Variants in COL4A6 observed in about 807,000 individuals in gnomAD.
The protein encoded by COL4A6 is collagen alpha-6(IV) chain.
Under a neutral mutation model 126.7 loss-of-function variants are expected in COL4A6, and 59 were observed. That is an observed-to-expected ratio of 0.47 (90% CI 0.38 to 0.58). The LOEUF (loss-of-function observed/expected upper bound fraction) is 0.58. Among genes scored for constraint, COL4A6 ranks in the 20% least tolerant of loss-of-function variants. The pLI is 0.00. For synonymous variants in COL4A6, 547 were observed against 496.6 expected, an observed-to-expected ratio of 1.10 and a Z score of -1.35; for missense variants, 1,285 against 1,337.3, an observed-to-expected ratio of 0.96 and a Z score of 0.61.
chrX:108,384,691 G>A (rs917060960), intron 2 of COL4A6, among the ~76,000 whole-genome samples: 2 of 111,508 alleles, frequency 1.8e-5, no homozygotes, highest in African/African-American at 6.5e-5. Flanking sequence ...CTCAAAAGAG[G>A]ATAATTCAAA....
chrX:108,244,093 C>T (rs1368410083), intron 3 of COL4A6, among the ~76,000 whole-genome samples: 2 of 102,502 alleles, frequency 2.0e-5, no homozygotes, highest in Non-Finnish European at 4.0e-5. Flanking sequence ...AAGAATAACC[C>T]TTCAGGTATG....
intron 2 of COL4A6, among the ~76,000 whole-genome samples, chrX:108,351,584 G>A (rs1405981638): frequency 9.2e-6 from 1 of 109,036 alleles, no homozygotes. Context: ...AATCTACTAA[G>A]GCACTTGGCT....
intron 19 of COL4A6, among the ~76,000 whole-genome samples, chrX:108,191,022 C>T (rs2035024074): frequency 9.0e-6 from 1 of 111,621 alleles, no homozygotes; most frequent in African/African-American, 3.3e-5. Context: ...AGTCTCTCAG[C>T]CCACCCCATT....
At chrX:108,347,586 T>C (rs1034978741) in intron 2 of COL4A6, among the ~76,000 whole-genome samples, 2 of 111,457 alleles carry the variant, frequency 1.8e-5, no homozygotes, top group Non-Finnish European at 3.8e-5. Context: ...TCAGTTACTT[T>C]ACCTTACCTT....
At position 108,174,566 on chromosome X, in the gene COL4A6, G is replaced by A; in HGVS notation, c.3012C>T (p.Gly1004=). 1 of 1,204,934 alleles carries A rather than the reference G, an allele frequency of 8.3e-7. No individual in the cohort carries two copies. Among genetic ancestry groups the A allele is most frequent in the Non-Finnish European group, 1.1e-6 (1 of 892,805 alleles). ...TAACTCCTTTGATAATGCCTGGGAG[G>A]CCAGGAGCTCCAGGTAGGCCTGGTG... ...PGPPGLPGAP[G]LPGIIKGVSG... The change falls in exon 31 of 45, where the codon GGC becomes GGT. Residue 1004 remains glycine (G), a synonymous_variant. Coordinates refer to ENST00000334504, the MANE Select transcript of COL4A6 (RefSeq NM_033641.4).
Position 108,180,533 on chromosome X carries a change from G to A in COL4A6, c.2113C>T (p.His705Tyr). The change falls in exon 25 of 45, where the codon CAT becomes TAT. Residue 705 changes from histidine to tyrosine, a missense_variant. Transcript: ENST00000334504. Reference sequence around the variant, plus strand: ...TTCTTACCTGGTAATTCAGGAAGATGAACCAATCCTGGACTCCCTGGCTCT... The same window carrying A: ...TTCTTACCTGGTAATTCAGGAAGATAAACCAATCCTGGACTCCCTGGCTCT... Reference protein sequence around the residue: ...KGEPGSPGLVHLPELPGFPGP... With the variant: ...KGEPGSPGLVYLPELPGFPGP... The A allele has an allele frequency of 8.3e-7, 1 of 1,206,435 alleles. No homozygotes were observed. Among genetic ancestry groups the A allele is most frequent in the Non-Finnish European group, 1.1e-6 (1 of 893,049 alleles).
At chrX:108,291,409 G>A (rs1185279705) in intron 3 of COL4A6, among the ~76,000 whole-genome samples, 2 of 112,004 alleles carry the variant, frequency 1.8e-5, no homozygotes, top group Non-Finnish European at 3.8e-5. Flanking sequence ...TTAACATTAT[G>A]CCATAAGCAT....
At chrX:108,244,705 G>A (rs1382379937) in intron 3 of COL4A6, among the ~76,000 whole-genome samples, 3 of 111,660 alleles carry the variant, frequency 2.7e-5, no homozygotes. Context: ...GTAAGCTTTA[G>A]GTTGGTTCAA....
intron 2 of COL4A6, among the ~76,000 whole-genome samples, chrX:108,395,441 A>C (rs1417240870): frequency 2.7e-5 from 3 of 112,268 alleles, no homozygotes; most frequent in Non-Finnish European, 3.8e-5. Flanking sequence ...GATAATATTT[A>C]TCAATCTCAA....
At chrX:108,200,560 A>G (rs2035360374) in intron 13 of COL4A6, among the ~76,000 whole-genome samples, 1 of 112,146 alleles carries the variant, frequency 8.9e-6, no homozygotes, top group African/African-American at 3.2e-5. Flanking sequence ...TCATGGAGGT[A>G]GAAATTAAAA....
intron 2 of COL4A6, among the ~76,000 whole-genome samples, chrX:108,334,723 C>T (rs1403007615): frequency 1.8e-5 from 2 of 111,250 alleles, no homozygotes; most frequent in Non-Finnish European, 3.8e-5. Flanking sequence ...ATAGTAAATT[C>T]GAGTCTTCAG....
At chrX:108,401,709 T>G (rs1287790975) in intron 2 of COL4A6, among the ~76,000 whole-genome samples, 3 of 111,210 alleles carry the variant, frequency 2.7e-5, no homozygotes, top group Non-Finnish European at 3.8e-5. Context: ...AAATAAAAAT[T>G]TGCAGCATTT....
At chrX:108,189,821 T>C (rs185113445) in intron 20 of COL4A6, among the ~76,000 whole-genome samples, 2 of 112,353 alleles carry the variant, frequency 1.8e-5, no homozygotes, top group African/African-American at 6.5e-5. Flanking sequence ...AACTGAACCC[T>C]AGGCCATCCC....
At chrX:108,422,834 G>A (rs916005304) in intron 2 of COL4A6, among the ~76,000 whole-genome samples, 6 of 111,543 alleles carry the variant, frequency 5.4e-5, no homozygotes, top group Non-Finnish European at 9.4e-5. Flanking sequence ...AACAGGGAAA[G>A]CTACAGGTCT....
intron 3 of COL4A6, among the ~76,000 whole-genome samples, chrX:108,298,763 C>G (rs756426318): frequency 4.6e-5 from 5 of 109,473 alleles, no homozygotes; most frequent in African/African-American, 1.3e-4. Flanking sequence ...TGCCACATTG[C>G]AGGCTCTGGT....
intron 2 of COL4A6, among the ~76,000 whole-genome samples, chrX:108,393,315 G>T (rs2040879597): frequency 8.9e-6 from 1 of 112,496 alleles, no homozygotes; most frequent in Non-Finnish European, 1.9e-5. Flanking sequence ...AAGGAATAAA[G>T]TACTGATGCA....
chrX:108,436,690 G>A (rs752231898), intron 2 of COL4A6, among the ~76,000 whole-genome samples: 25 of 111,946 alleles, frequency 2.2e-4, no homozygotes, highest in Non-Finnish European at 3.4e-4. Context: ...CTTTGCTTAC[G>A]AAGTCCAGAA....
intron 3 of COL4A6, among the ~76,000 whole-genome samples, chrX:108,261,312 TC>T (rs1328942762): frequency 1.8e-5 from 2 of 111,964 alleles, no homozygotes; most frequent in Non-Finnish European, 3.8e-5. Context: ...TGCAGAAAGT[TC>T]TATTGGATGT....
intron 2 of COL4A6, among the ~76,000 whole-genome samples, chrX:108,411,719 A>G (rs1265626001): frequency 2.7e-5 from 3 of 112,049 alleles, no homozygotes; most frequent in Non-Finnish European, 5.6e-5. Flanking sequence ...AGAGTGAGAT[A>G]TACTTCAACT....
Sources: gnomAD v4.1 joint callset for allele counts (sites outside exome capture counted in the v4.1 genomes callset) on GRCh38, gnomAD v4.1.1 for gene constraint, MANE v1.5 for transcripts, NCBI Gene and HGNC (gene_info 2026-07-23, HGNC 2026-07-21) for gene names.